FMN1: variants seen among roughly 807,000 people sequenced by gnomAD.
The protein encoded by FMN1 is formin-1.
FMN1 carries 110 observed loss-of-function variants against 132.4 expected under a neutral mutation model. That is an observed-to-expected ratio of 0.83 (90% CI 0.71 to 0.97). The LOEUF is 0.97. FMN1 is among the 50% of genes least tolerant of loss of function. FMN1 has a pLI of 0.00. For missense variants in FMN1, 1,792 were observed against 1,705.3 expected (o/e 1.05, Z -0.90); for synonymous variants, 722 against 651.7 (o/e 1.11, Z -1.64).
chr15:33,070,920 G>T (rs955511156), intron 5 of FMN1, among the ~76,000 whole-genome samples: 4 of 152,116 alleles, frequency 2.6e-5, no homozygotes, highest in African/African-American at 4.8e-5. Context: ...TAAAAGTCTT[G>T]CCAGTCCACA....
intron 6 of FMN1, among the ~76,000 whole-genome samples, chr15:33,026,118 CA>C (rs1443538852): frequency 6.7e-6 from 1 of 149,672 alleles, no homozygotes; most frequent in Non-Finnish European, 1.5e-5. Context: ...CACACACACA[CA>C]CACACACACA....
At position 32,868,458 on chromosome 15, in the gene FMN1, C is replaced by T. The variant is rs150454548; in HGVS notation, c.3836-11351G>A. On this transcript the variant is annotated intron_variant, in intron 16 of 20. Transcript: ENST00000616417. Reference sequence around the variant, plus strand: ...CCATCTAGCTTAGGTGTGAAGTAGGCTACACCATCTATGTTTGTGTAAGTA... The same window carrying T: ...CCATCTAGCTTAGGTGTGAAGTAGGTTACACCATCTATGTTTGTGTAAGTA... Among the ~76,000 whole-genome samples the T allele has an allele frequency of 1.6e-4, 24 of 152,226 alleles. No individual in the cohort carries two copies. In the East Asian group the frequency reaches 4.6e-3, roughly 29 times the overall value.
At chr15:32,815,579 T>C (rs1423848972) in intron 17 of FMN1, among the ~76,000 whole-genome samples, 1 of 152,214 alleles carries the variant, frequency 6.6e-6, no homozygotes, top group African/African-American at 2.4e-5. Flanking sequence ...CCTCATGCTA[T>C]AGTTTAAAAA....
At chr15:32,911,743 GAGAAAAGAGGAGGTTA>G (rs1309636440) in intron 10 of FMN1, among the ~76,000 whole-genome samples, 2 of 152,118 alleles carry the variant, frequency 1.3e-5, no homozygotes, top group East Asian at 3.8e-4. Flanking sequence ...ATGGAACAGA[GAGAAAAGAGGAGGTTA>G]ATATGCTAGA....
rs971677771 is a variant in FMN1, at chr15:32,768,782, G to T, written c.*5528C>A. On this transcript the variant is annotated 3_prime_UTR_variant, in exon 21 of 21. Transcript: ENST00000616417. ...GAGATTCTCAGTATATTTAAGAGAAGATTTAAAAATAGAAAATTACATAAG... is the reference window on the plus strand; with the variant it reads ...GAGATTCTCAGTATATTTAAGAGAATATTTAAAAATAGAAAATTACATAAG... 6.6e-6 allele frequency: 1 copy of T among 152,150 alleles called. No individual in the cohort carries two copies. Among genetic ancestry groups the T allele is most frequent in the Non-Finnish European group, 1.5e-5 (1 of 68,028 alleles). 9.4% of individuals were successfully genotyped at this position (152,150 alleles called of 1,614,324 possible).
chr15:33,152,788 CAAAA>C lies in FMN1; in HGVS notation c.1867+256_1867+259del, dbSNP rs367698101. On this transcript the variant is annotated intron_variant, in intron 4 of 20. Coordinates refer to ENST00000616417, the MANE Select transcript of FMN1 (RefSeq NM_001277313.2). ...CCACAGAAGTAACTTTAGAGGATGC[CAAAA>C]AAAAAAAAAAAGAAAGAAATAAAAG... Among the ~76,000 whole-genome samples the C allele has an allele frequency of 7.4e-4, 49 of 65,934 alleles. 1 individual carries two copies. Among genetic ancestry groups the C allele is most frequent in the African/African-American group, 2.5e-3 (36 of 14,532 alleles). The allele number at this position is 65,934 out of a possible 152,430, so 43.3% of individuals were successfully genotyped here. A position where few individuals can be genotyped will look rare whatever the true frequency, so the allele number is the denominator to read the frequency against.
chr15:32,935,022 A>G (rs2061227638), intron 9 of FMN1, among the ~76,000 whole-genome samples: 1 of 151,786 alleles, frequency 6.6e-6, no homozygotes, highest in Non-Finnish European at 1.5e-5. Context: ...CCTGAGTTCA[A>G]GCGATTCTCC....
chr15:33,115,045 TATCA>T (rs1282387764), intron 4 of FMN1, among the ~76,000 whole-genome samples: 4 of 152,324 alleles, frequency 2.6e-5, no homozygotes, highest in South Asian at 4.1e-4. Flanking sequence ...AGACTTCATC[TATCA>T]ATCAGTCAAA....
intron 6 of FMN1, among the ~76,000 whole-genome samples, chr15:33,018,471 A>C (rs867361771): frequency 6.6e-6 from 1 of 152,162 alleles, no homozygotes; most frequent in Non-Finnish European, 1.5e-5. Flanking sequence ...CCATGCGTAC[A>C]TAATAGAGCT....
chr15:33,133,246 G>A (rs1963624144), intron 4 of FMN1, among the ~76,000 whole-genome samples: 1 of 152,200 alleles, frequency 6.6e-6, no homozygotes, highest in South Asian at 2.1e-4. Flanking sequence ...AGGAGAGTGT[G>A]TGGTTGAAAG....
intron 3 of FMN1, among the ~76,000 whole-genome samples, chr15:33,172,562 A>G (rs1277557443): frequency 1.3e-5 from 2 of 152,186 alleles, no homozygotes; most frequent in Non-Finnish European, 2.9e-5. Context: ...GGATACTGAC[A>G]CTGGTTATGT....
At chr15:32,818,417 C>T (rs374601608) in intron 17 of FMN1, among the ~76,000 whole-genome samples, 46 of 152,024 alleles carry the variant, frequency 3.0e-4, no homozygotes, top group East Asian at 1.3e-3. Context: ...TCTTCCTAAA[C>T]GAGATCTTGT....
Position 32,772,504 on chromosome 15 carries a change from G to A in FMN1, c.*1806C>T, listed in dbSNP as rs1297501089. 1 of 152,272 alleles carries A rather than the reference G, an allele frequency of 6.6e-6. No individual in the cohort carries two copies. The highest frequency in any genetic ancestry group is 2.1e-4 in the South Asian group (1 of 4,836). The allele number at this position is 152,272 out of a possible 1,614,324, so 9.4% of individuals were successfully genotyped here. ...GTTGTCTTCAGAGTTAAGTGAAAATGAAGAGAAACTATGTAAGAAAGCAGC... is the reference window on the plus strand; with the variant it reads ...GTTGTCTTCAGAGTTAAGTGAAAATAAAGAGAAACTATGTAAGAAAGCAGC... On this transcript the variant is annotated 3_prime_UTR_variant, in exon 21 of 21. Transcript: ENST00000616417.
At chr15:32,924,600 G>A (rs185991332) in intron 10 of FMN1, among the ~76,000 whole-genome samples, 210 of 152,296 alleles carry the variant, frequency 1.4e-3, no homozygotes, top group Admixed American at 4.2e-3. Context: ...TTATCACTCA[G>A]CAAATATAAG....
At chr15:33,018,977 T>C (rs1018067461) in intron 6 of FMN1, among the ~76,000 whole-genome samples, 2 of 151,786 alleles carry the variant, frequency 1.3e-5, no homozygotes, top group African/African-American at 2.4e-5. Context: ...CCCAAAGGAG[T>C]GAGCAGCAGC....
chr15:33,178,408 G>T (rs920144422), intron 3 of FMN1, among the ~76,000 whole-genome samples: 4 of 152,314 alleles, frequency 2.6e-5, no homozygotes, highest in Middle Eastern at 3.4e-3. Flanking sequence ...TTATCTGCCA[G>T]TCTCAATGGT....
chr15:32,940,370 C>G (rs369248121), intron 9 of FMN1, among the ~76,000 whole-genome samples: 1 of 150,540 alleles, frequency 6.6e-6, no homozygotes, highest in East Asian at 2.0e-4. Context: ...ATTCCCATGT[C>G]TACTGCAAAC....
intron 9 of FMN1, among the ~76,000 whole-genome samples, chr15:32,945,811 C>T (rs2061497369): frequency 6.6e-6 from 1 of 152,124 alleles, no homozygotes; most frequent in East Asian, 1.9e-4. Context: ...TGCCTCAAGC[C>T]ACTGGAAGGC....
chr15:33,071,895 C>T (rs1403372984), intron 5 of FMN1, among the ~76,000 whole-genome samples: 1 of 152,194 alleles, frequency 6.6e-6, no homozygotes, highest in Non-Finnish European at 1.5e-5. Context: ...ATAGTAATCA[C>T]TTCTCTTGGA....
Sources: gnomAD v4.1 joint callset for allele counts (sites outside exome capture counted in the v4.1 genomes callset) on GRCh38, gnomAD v4.1.1 for gene constraint, MANE v1.5 for transcripts, NCBI Gene and HGNC (gene_info 2026-07-23, HGNC 2026-07-21) for gene names.